Variants in RGS5 observed in about 807,000 individuals in gnomAD.
RGS5 encodes the protein regulator of G-protein signalling 5.
Under a neutral mutation model 18.9 loss-of-function variants are expected in RGS5, and 20 were observed. That is an observed-to-expected ratio of 1.06 (90% confidence interval 0.74 to 1.54). RGS5 has a LOEUF of 1.54. Ranked by LOEUF, RGS5 falls within the 40% of genes most tolerant of loss-of-function variation. The pLI is 0.00. For synonymous variants in RGS5, 57 were observed against 76.2 expected, an observed-to-expected ratio of 0.75 and a Z score of 1.31; for missense variants, 201 against 211.8, an observed-to-expected ratio of 0.95 and a Z score of 0.32.
intron 3 of RGS5, among the ~76,000 whole-genome samples, chr1:163,154,143 T>C (rs1657492810): frequency 2.0e-5 from 3 of 152,322 alleles, no homozygotes; most frequent in South Asian, 4.1e-4. Flanking sequence ...TCTGAATTCA[T>C]TTCCTTTGGC....
At chr1:163,297,724 T>G (rs1011001660) in intron 2 of RGS5, among the ~76,000 whole-genome samples, 5 of 152,116 alleles carry the variant, frequency 3.3e-5, no homozygotes, top group African/African-American at 1.2e-4. Flanking sequence ...TGTCTTTTGT[T>G]ACAAGGAATT....
intron 1 of RGS5, among the ~76,000 whole-genome samples, chr1:163,181,935 C>A (rs749385061): frequency 3.3e-5 from 5 of 151,952 alleles, no homozygotes; most frequent in Non-Finnish European, 7.4e-5. Context: ...CTTCATTTTT[C>A]TATGTAAAAA....
chr1:163,157,822 C>A (rs6656795), intron 3 of RGS5, among the ~76,000 whole-genome samples: 55,016 of 151,970 alleles, frequency 0.36, 11,045 homozygotes, highest in Admixed American at 0.49. Flanking sequence ...TCCTGCCTCA[C>A]ACCTGGCTAA....
rs749454364 is a variant in RGS5, at chr1:163,155,688, C to G, written c.218-2972G>C. Reference sequence around the variant, plus strand: ...ACAATCCAGGCCAAATGTCTCTATTCTGCAAAGAACACACATTTCTTCTTT... The same window carrying G: ...ACAATCCAGGCCAAATGTCTCTATTGTGCAAAGAACACACATTTCTTCTTT... On this transcript the variant is annotated intron_variant, in intron 3 of 4. Coordinates refer to ENST00000313961, the MANE Select transcript of RGS5 (RefSeq NM_003617.4). Among the ~76,000 whole-genome samples the G allele has an allele frequency of 5.3e-5, 8 of 152,290 alleles. 1 individual carries two copies. The South Asian group carries it at 1.0e-3, about 20-fold the overall frequency.
At chr1:163,274,007 G>T (rs1302740342) in intron 2 of RGS5, among the ~76,000 whole-genome samples, 4 of 152,218 alleles carry the variant, frequency 2.6e-5, no homozygotes, top group African/African-American at 9.6e-5. Flanking sequence ...GTCACAGCCA[G>T]TAAGGTGTCT....
upstream of RGS5, among the ~76,000 whole-genome samples, chr1:163,217,984 C>T (rs1450016467): frequency 2.6e-5 from 4 of 151,990 alleles, no homozygotes; most frequent in East Asian, 7.7e-4. Flanking sequence ...TTTGTGTTGA[C>T]CATTTATCAT....
In RGS5 at chr1:163,145,201, C is replaced by A. The variant is rs1020575511; in HGVS notation, c.*2141G>T. ...TCCACTGGAGTCTTCATAACATCAACCCTCTAGGTGAGATCTGTAATAGCT... is the reference window on the plus strand; with the variant it reads ...TCCACTGGAGTCTTCATAACATCAAACCTCTAGGTGAGATCTGTAATAGCT... On this transcript the variant is annotated 3_prime_UTR_variant, in exon 5 of 5. Transcript: ENST00000313961. 6.6e-6 allele frequency: 1 copy of A among 152,084 alleles called. No individual in the cohort carries two copies. 9.4% of individuals were successfully genotyped at this position (152,084 alleles called of 1,614,324 possible). A position where few individuals can be genotyped will look rare whatever the true frequency, so the allele number is the denominator to read the frequency against.
intron 1 of RGS5, among the ~76,000 whole-genome samples, chr1:163,169,102 A>T (rs546043956): frequency 1.3e-5 from 2 of 148,984 alleles, no homozygotes; most frequent in Admixed American, 1.4e-4. Flanking sequence ...TATGAGTGAG[A>T]ACATGTGCTG....
chr1:163,292,776 T>C (rs1649322491), intron 2 of RGS5, among the ~76,000 whole-genome samples: 1 of 152,230 alleles, frequency 6.6e-6, no homozygotes, highest in Non-Finnish European at 1.5e-5. Context: ...TCAGTGGTAT[T>C]GAGCTTTTCT....
chr1:163,312,921 T>G (rs1207500520), intron 1 of RGS5, among the ~76,000 whole-genome samples: 1 of 152,242 alleles, frequency 6.6e-6, no homozygotes, highest in African/African-American at 2.4e-5. Context: ...CTGCCAAGTC[T>G]GATTTATCTT....
chr1:163,202,913 G>C lies in RGS5; in HGVS notation c.-78C>G. 3 of 1,378,852 alleles carry C rather than the reference G, an allele frequency of 2.2e-6. No homozygotes were observed. Among genetic ancestry groups the C allele is most frequent in the African/African-American group, 1.4e-5 (1 of 70,594 alleles). The allele number at this position is 1,378,852 out of a possible 1,614,324, so 85.4% of individuals were successfully genotyped here. On this transcript the variant is annotated 5_prime_UTR_variant, in exon 1 of 5. Coordinates refer to ENST00000313961, the MANE Select transcript of RGS5 (RefSeq NM_003617.4). ...GCCAGTCTTTGAAAACTTCAAAACTGTCTGGGATGCCTTTCCTCCTGAGGT... is the reference window on the plus strand; with the variant it reads ...GCCAGTCTTTGAAAACTTCAAAACTCTCTGGGATGCCTTTCCTCCTGAGGT...
intron 1 of RGS5, among the ~76,000 whole-genome samples, chr1:163,216,446 TC>T (rs1220900879): frequency 6.6e-6 from 1 of 152,140 alleles, no homozygotes; most frequent in African/African-American, 2.4e-5. Flanking sequence ...TCCCCCACTG[TC>T]TTGTGGAGGA....
chr1:163,150,792 C>A (rs1236762043), intron 4 of RGS5, among the ~76,000 whole-genome samples: 1 of 152,170 alleles, frequency 6.6e-6, no homozygotes, highest in Non-Finnish European at 1.5e-5. Flanking sequence ...TATCAAGGTA[C>A]ATAATTTGTC....
intron 2 of RGS5, among the ~76,000 whole-genome samples, chr1:163,296,347 T>A (rs1303747749): frequency 6.6e-6 from 1 of 152,206 alleles, no homozygotes; most frequent in Non-Finnish European, 1.5e-5. Context: ...CGAATTCTTC[T>A]AATATTTGGC....
At chr1:163,188,675 T>C (rs1194857051) in intron 1 of RGS5, among the ~76,000 whole-genome samples, 1 of 152,126 alleles carries the variant, frequency 6.6e-6, no homozygotes, top group East Asian at 1.9e-4. Flanking sequence ...AAAAAGTTAC[T>C]GTGGCTGGGC....
chr1:163,198,097 T>G (rs1659640954), intron 1 of RGS5, among the ~76,000 whole-genome samples: 1 of 152,054 alleles, frequency 6.6e-6, no homozygotes, highest in Non-Finnish European at 1.5e-5. Flanking sequence ...TTGACCCACA[T>G]AAATCAGAGA....
intron 1 of RGS5, among the ~76,000 whole-genome samples, chr1:163,306,534 C>T (rs1649703811): frequency 1.3e-5 from 2 of 152,168 alleles, no homozygotes; most frequent in African/African-American, 2.4e-5. Flanking sequence ...GCCTCTGGCT[C>T]ATGATGCTGT....
chr1:163,221,183 A>G (rs1647221033), upstream of RGS5, among the ~76,000 whole-genome samples: 1 of 152,150 alleles, frequency 6.6e-6, no homozygotes, highest in Non-Finnish European at 1.5e-5. Context: ...GTAATGTTGT[A>G]TGGAACAAGA....
chr1:163,203,967 G>A (rs781258151), upstream of RGS5, among the ~76,000 whole-genome samples: 11 of 152,190 alleles, frequency 7.2e-5, no homozygotes, highest in East Asian at 3.9e-4. Flanking sequence ...TGAATAATCC[G>A]TAAGAAAAGC....
Sources: allele counts gnomAD v4.1 joint callset (sites outside exome capture counted in the v4.1 genomes callset), GRCh38; gene constraint gnomAD v4.1.1; transcripts MANE v1.5; gene names NCBI Gene and HGNC (gene_info 2026-07-23, HGNC 2026-07-21).